SSH1: variants seen among roughly 807,000 people sequenced by gnomAD.
SSH1 encodes the protein protein phosphatase Slingshot homolog 1.
In SSH1, 43 loss-of-function variants were observed where a neutral mutation model predicts 79.7. The ratio of observed to expected loss-of-function variants is 0.54; its 90% CI spans 0.42 to 0.70. SSH1 has a LOEUF of 0.70. Among genes scored for constraint, SSH1 ranks in the 30% least tolerant of loss-of-function variants. SSH1 has a pLI of 0.00. For missense variants in SSH1, 1,206 were observed against 1,358.8 expected, an observed-to-expected ratio of 0.89 and a Z score of 1.77; for synonymous variants, 599 against 538.3, an observed-to-expected ratio of 1.11 and a Z score of -1.56.
chr12:108,840,443 G>A (rs758659468), intron 2 of SSH1, among the ~76,000 whole-genome samples: 2 of 151,910 alleles, frequency 1.3e-5, no homozygotes, highest in Non-Finnish European at 2.9e-5. Context: ...TGAGGCAGGA[G>A]AATCACTTGA....
intron 6 of SSH1, among the ~76,000 whole-genome samples, chr12:108,810,914 C>T (rs547027882): frequency 2.6e-5 from 4 of 152,354 alleles, no homozygotes; most frequent in South Asian, 2.1e-4. Flanking sequence ...CACATTAGTC[C>T]GTGAACTTTC....
chr12:108,835,981 G>GATTATAACTATATTAATATAATCT (rs2038607615), intron 2 of SSH1, among the ~76,000 whole-genome samples: 1 of 134,608 alleles, frequency 7.4e-6, no homozygotes, highest in Non-Finnish European at 1.5e-5. Flanking sequence ...TAATATAATC[G>GATTATAACTATATTAATATAATCT]ATTATAACTA....
chr12:108,837,006 G>A (rs761498570), intron 2 of SSH1: 18 of 487,726 alleles, frequency 3.7e-5, no homozygotes, highest in East Asian at 1.2e-4. Flanking sequence ...TGAGGTGGGC[G>A]GATCACTTGA....
rs186559729 is a variant in SSH1, at chr12:108,846,720, G to A, written c.110+5918C>T. Among the ~76,000 whole-genome samples the A allele has an allele frequency of 1.8e-3, 275 of 152,340 alleles. 3 individuals are homozygous for A. The highest frequency in any genetic ancestry group is 3.4e-3 in the Middle Eastern group (1 of 294). Reference sequence around the variant, plus strand: ...TATAGGAATGTAGCCGGGTAAAGGAGGAAGGCTGCTTCAAGTCAAAGGGCA... The same window carrying A: ...TATAGGAATGTAGCCGGGTAAAGGAAGAAGGCTGCTTCAAGTCAAAGGGCA... On this transcript the variant is annotated intron_variant, in intron 2 of 14. Transcript: ENST00000326495.
At chr12:108,792,009 T>C in intron 14 of SSH1, 4 of 1,399,888 alleles carry the variant, frequency 2.9e-6, no homozygotes, top group African/African-American at 1.4e-5. Context: ...ATAAGGTACA[T>C]GGGGTGAAGA....
At chr12:108,790,351 T>C (rs895703478) in intron 14 of SSH1, among the ~76,000 whole-genome samples, 3 of 152,194 alleles carry the variant, frequency 2.0e-5, no homozygotes, top group Non-Finnish European at 4.4e-5. Context: ...GGTTTCACCA[T>C]GTTGGTCAGA....
At chr12:108,813,058 G>T (rs969791007) in intron 5 of SSH1, among the ~76,000 whole-genome samples, 11 of 151,968 alleles carry the variant, frequency 7.2e-5, no homozygotes, top group East Asian at 3.9e-4. Context: ...TACAGATAAG[G>T]CCCCACTATA....
chr12:108,801,732 GT>G lies in SSH1; in HGVS notation c.1001+589del, dbSNP rs1175061595. Among the ~76,000 whole-genome samples, 105 of 110,300 alleles carry G rather than the reference GT, an allele frequency of 9.5e-4. 1 individual carries two copies. Among genetic ancestry groups the G allele is most frequent in the South Asian group, 2.7e-3 (7 of 2,630 alleles). 72.4% of individuals were successfully genotyped at this position (110,300 alleles called of 152,430 possible). A position where few individuals can be genotyped will look rare whatever the true frequency, so the allele number is the denominator to read the frequency against. ...AGAACGGTGATTTTGTGGCTGTGTT[GT>G]TTTAAAAAAAAAAAAAAAAAAAGTC... On this transcript the variant is annotated intron_variant, in intron 11 of 14. Coordinates refer to ENST00000326495, the MANE Select transcript of SSH1 (RefSeq NM_018984.4).
At chr12:108,854,525 C>T (rs2039105822) in intron 1 of SSH1, among the ~76,000 whole-genome samples, 1 of 152,150 alleles carries the variant, frequency 6.6e-6, no homozygotes, top group African/African-American at 2.4e-5. Context: ...AAAAGAGAGC[C>T]TTAGGACTGA....
Position 108,779,269 on chromosome 12 carries a change from C to A in SSH1, c.*8719G>T, listed in dbSNP as rs766770677. The A allele has an allele frequency of 6.6e-6, 1 of 152,188 alleles. No homozygotes were observed. The highest frequency in any genetic ancestry group is 2.4e-5 in the African/African-American group (1 of 41,446). The allele number at this position is 152,188 out of a possible 1,614,324, so 9.4% of individuals were successfully genotyped here. On this transcript the variant is annotated 3_prime_UTR_variant, in exon 15 of 15. Coordinates refer to ENST00000326495, the MANE Select transcript of SSH1 (RefSeq NM_018984.4). ...AGGATGCACAATTTCCATTTAAAGG[C>A]AAAATATGGTGAATATGATCTACGG...
chr12:108,808,584 C>T (rs937560251), intron 7 of SSH1, among the ~76,000 whole-genome samples: 5 of 152,190 alleles, frequency 3.3e-5, no homozygotes, highest in Admixed American at 1.3e-4. Context: ...CACAATTAAG[C>T]TTAGCAGCTG....
In SSH1 at chr12:108,784,986, A is replaced by C. The variant is rs553839233; in HGVS notation, c.*3002T>G. 53 of 152,400 alleles carry C rather than the reference A, an allele frequency of 3.5e-4. 1 individual carries two copies. Among genetic ancestry groups the C allele is most frequent in the African/African-American group, 1.3e-3 (53 of 41,586 alleles). The allele number at this position is 152,400 out of a possible 1,614,324, so 9.4% of individuals were successfully genotyped here. On this transcript the variant is annotated 3_prime_UTR_variant, in exon 15 of 15. Coordinates refer to ENST00000326495, the MANE Select transcript of SSH1 (RefSeq NM_018984.4). The stretch of plus-strand genomic sequence containing the variant: ...TGTTTGGAATTTTCCCCATCAGCTA[A>C]GGTTGCATACAAAGCAAGGGCCAAG...
At chr12:108,855,228 C>A (rs1234573531) in intron 1 of SSH1, among the ~76,000 whole-genome samples, 9 of 152,058 alleles carry the variant, frequency 5.9e-5, no homozygotes. Flanking sequence ...GTCAAAGAAG[C>A]CAGACACAAA....
In SSH1 at chr12:108,788,759, G is replaced by A; in HGVS notation, c.2379C>T (p.Phe793=). The change falls in exon 15 of 15, where the codon TTC becomes TTT. Residue 793 remains phenylalanine, a synonymous_variant. Transcript: ENST00000326495. ...TTGTCGGCTTCTCAGATTCATTACT[G>A]AACAGAAGCCTCAGGTCCTTGGCTG... is the stretch of plus-strand genomic sequence containing the variant. ...MKPAKDLRLL[F]SNESEKPTTN... 2 of 1,614,244 alleles carry A rather than the reference G, an allele frequency of 1.2e-6. No homozygotes were observed. Among genetic ancestry groups the A allele is most frequent in the Non-Finnish European group, 1.7e-6 (2 of 1,180,046 alleles).
At chr12:108,817,265 G>C (rs1363892611) in intron 4 of SSH1, 106 bp from the exon 5 acceptor site, 1 of 1,528,956 alleles carries the variant, frequency 6.5e-7, no homozygotes, top group Non-Finnish European at 8.9e-7. Context: ...TTTCCCTCTG[G>C]GAGTTAAAAA....
At chr12:108,802,841 C>CA (rs1385287368) in intron 10 of SSH1, among the ~76,000 whole-genome samples, 1 of 152,112 alleles carries the variant, frequency 6.6e-6, no homozygotes, top group Non-Finnish European at 1.5e-5. Flanking sequence ...ATTCCACTTA[C>CA]AAAAAGCTAT....
chr12:108,827,537 A>ATT, intron 2 of SSH1: 2 of 1,280,418 alleles, frequency 1.6e-6, no homozygotes, highest in East Asian at 6.0e-5. Context: ...TTCCTCTGAT[A>ATT]TTTTGGCTGA....
chr12:108,795,262 C>CA (rs1565974177), intron 13 of SSH1, among the ~76,000 whole-genome samples: 1 of 146,614 alleles, frequency 6.8e-6, no homozygotes, highest in Non-Finnish European at 1.5e-5. Context: ...TCTTTAAAAA[C>CA]TTTTTTTTTT....
chr12:108,778,804 C>CT lies in SSH1; in HGVS notation c.*9183dup. The CT allele has an allele frequency of 6.5e-6, 1 of 152,818 alleles. No homozygotes were observed. Among genetic ancestry groups the CT allele is most frequent in the East Asian group, 1.9e-4 (1 of 5,174 alleles). The allele number at this position is 152,818 out of a possible 1,614,324, so 9.5% of individuals were successfully genotyped here. A position where few individuals can be genotyped will look rare whatever the true frequency, so the allele number is the denominator to read the frequency against. On this transcript the variant is annotated 3_prime_UTR_variant, in exon 15 of 15. Coordinates refer to ENST00000326495, the MANE Select transcript of SSH1 (RefSeq NM_018984.4). ...GTGGGATAATTTGTCTTTTTAAAAT[C>CT]TTTTATTTTTATTTGTTTTTGAGAC...
Sources: allele counts gnomAD v4.1 joint callset (sites outside exome capture counted in the v4.1 genomes callset), GRCh38; gene constraint gnomAD v4.1.1; transcripts MANE v1.5; gene names NCBI Gene and HGNC (gene_info 2026-07-23, HGNC 2026-07-21).